GPC5: variants seen among roughly 807,000 people sequenced by gnomAD.
GPC5 encodes glypican-5.
A neutral mutation model predicts 53.9 loss-of-function variants in GPC5; 47 were observed. The observed-to-expected ratio is 0.87, with a 90% CI of 0.69 to 1.11. The LOEUF (loss-of-function observed/expected upper bound fraction) is 1.11, where lower values mean the gene tolerates loss of function less well. Ranked by LOEUF, GPC5 falls within the 50% of genes most tolerant of loss-of-function variation. The pLI is 0.00. For synonymous variants in GPC5, 286 were observed against 263.3 expected (o/e 1.09, Z -0.84); for missense variants, 748 against 713.1 (o/e 1.05, Z -0.56).
At chr13:91,684,690 C>A (rs1408676511) in intron 2 of GPC5, among the ~76,000 whole-genome samples, 1 of 152,160 alleles carries the variant, frequency 6.6e-6, no homozygotes, top group Non-Finnish European at 1.5e-5. Context: ...CACTCTTACA[C>A]CCACCCAGCA....
chr13:92,722,654 A>G (rs902399449), intron 7 of GPC5, among the ~76,000 whole-genome samples: 31 of 151,796 alleles, frequency 2.0e-4, no homozygotes, highest in Admixed American at 1.4e-3. Context: ...AAGAAAGGGT[A>G]AAAAGCTTAA....
chr13:92,713,766 T>C (rs1330050568), intron 7 of GPC5, among the ~76,000 whole-genome samples: 1 of 152,150 alleles, frequency 6.6e-6, no homozygotes, highest in Non-Finnish European at 1.5e-5. Context: ...TATTATTTCT[T>C]ATTTAGACCT....
At chr13:92,564,210 T>C (rs1329124129) in intron 7 of GPC5, among the ~76,000 whole-genome samples, 1 of 152,058 alleles carries the variant, frequency 6.6e-6, no homozygotes, top group African/African-American at 2.4e-5. Flanking sequence ...ACTTAGTAAG[T>C]AATAATTTCC....
intron 7 of GPC5, among the ~76,000 whole-genome samples, chr13:92,366,136 A>G (rs2043605989): frequency 6.6e-6 from 1 of 151,710 alleles, no homozygotes; most frequent in Non-Finnish European, 1.5e-5. Context: ...ACTAGGTGAT[A>G]GGAATTTTTA....
chr13:92,369,524 ATATAG>A (rs1350750669), intron 7 of GPC5, among the ~76,000 whole-genome samples: 1 of 152,206 alleles, frequency 6.6e-6, no homozygotes, highest in Admixed American at 6.5e-5. Flanking sequence ...TTGGTATTAA[ATATAG>A]TAAATTGAAC....
chr13:92,159,270 A>T (rs1279984228), intron 7 of GPC5, among the ~76,000 whole-genome samples: 1 of 152,168 alleles, frequency 6.6e-6, no homozygotes, highest in Non-Finnish European at 1.5e-5. Context: ...AGGGGAAAGC[A>T]CTTCGTCTGG....
chr13:91,443,855 A>G (rs1360058071), intron 1 of GPC5, among the ~76,000 whole-genome samples: 2 of 152,190 alleles, frequency 1.3e-5, no homozygotes, highest in Non-Finnish European at 2.9e-5. Flanking sequence ...CTTCTTTATC[A>G]TGTCTGTATC....
intron 7 of GPC5, among the ~76,000 whole-genome samples, chr13:92,194,249 A>C (rs1566478861): frequency 6.6e-6 from 1 of 152,222 alleles, no homozygotes. Flanking sequence ...GAATTCACAC[A>C]GTTCATCCTG....
intron 7 of GPC5, among the ~76,000 whole-genome samples, chr13:92,537,877 T>G (rs2138997231): frequency 6.6e-6 from 1 of 152,154 alleles, no homozygotes; most frequent in East Asian, 1.9e-4. Context: ...ATAGCATCAC[T>G]GTCTCAGTCT....
chr13:92,735,343 A>G (rs957919777), intron 7 of GPC5, among the ~76,000 whole-genome samples: 2 of 151,964 alleles, frequency 1.3e-5, no homozygotes, highest in African/African-American at 4.8e-5. Flanking sequence ...GCACTTTTTT[A>G]TTGAAGTCAT....
chr13:92,033,438 A>C (rs2040869497), intron 6 of GPC5, among the ~76,000 whole-genome samples: 1 of 152,148 alleles, frequency 6.6e-6, no homozygotes, highest in African/African-American at 2.4e-5. Flanking sequence ...TTCACAAGGA[A>C]ATTTACCACC....
intron 6 of GPC5, among the ~76,000 whole-genome samples, chr13:92,143,329 T>G (rs1171711747): frequency 1.3e-5 from 2 of 152,160 alleles, no homozygotes; most frequent in African/African-American, 4.8e-5. Flanking sequence ...TCATCATTAT[T>G]TATCATTTAT....
At chr13:92,165,789 A>G (rs899302553) in intron 7 of GPC5, among the ~76,000 whole-genome samples, 4 of 152,240 alleles carry the variant, frequency 2.6e-5, no homozygotes, top group Non-Finnish European at 5.9e-5. Context: ...CAATTCTAGT[A>G]TCCAGGCCTG....
intron 6 of GPC5, among the ~76,000 whole-genome samples, chr13:92,074,689 G>C (rs192033291): frequency 1.3e-5 from 2 of 152,246 alleles, no homozygotes; most frequent in Non-Finnish European, 2.9e-5. Context: ...AAGTTCTAAG[G>C]AAGGTAGGCT....
intron 7 of GPC5, among the ~76,000 whole-genome samples, chr13:92,390,665 T>C (rs1483292831): frequency 6.6e-6 from 1 of 152,180 alleles, no homozygotes; most frequent in Non-Finnish European, 1.5e-5. Flanking sequence ...TCTTTGTATT[T>C]ATCGTATGTT....
At chr13:91,544,295 AGACACAATATTTTT>A (rs1241689150) in intron 2 of GPC5, among the ~76,000 whole-genome samples, 4 of 152,094 alleles carry the variant, frequency 2.6e-5, no homozygotes, top group Admixed American at 6.5e-5. Context: ...ATTTCTTCTT[AGACACAATATTTTT>A]AAAGATTTTT....
At chr13:91,964,248 G>C (rs559315218) in intron 6 of GPC5, among the ~76,000 whole-genome samples, 105 of 152,148 alleles carry the variant, frequency 6.9e-4, no homozygotes, top group Non-Finnish European at 6.0e-4. Flanking sequence ...AAGATTTCTT[G>C]CAAACAGTGA....
intron 2 of GPC5, among the ~76,000 whole-genome samples, chr13:91,515,274 T>A (rs1029210415): frequency 6.6e-6 from 1 of 151,976 alleles, no homozygotes; most frequent in Non-Finnish European, 1.5e-5. Context: ...TCATTTTTTT[T>A]AAAGCAATTG....
chr13:92,179,242 T>C (rs571598651), intron 7 of GPC5, among the ~76,000 whole-genome samples: 106 of 152,208 alleles, frequency 7.0e-4, no homozygotes, highest in Non-Finnish European at 1.5e-3. Context: ...CCTAAAAAAA[T>C]TTTCAATTAA....
Sources: allele counts gnomAD v4.1 joint callset (sites outside exome capture counted in the v4.1 genomes callset), GRCh38; gene constraint gnomAD v4.1.1; transcripts MANE v1.5; gene names NCBI Gene and HGNC (gene_info 2026-07-23, HGNC 2026-07-21).